The following TNNT1 variants were observed in gnomAD, a reference collection of about 807,000 sequenced individuals.
The protein encoded by TNNT1 is troponin T1, slow skeletal type.
TNNT1 carries 53 observed loss-of-function variants against 50.6 expected under a neutral mutation model. That is an observed-to-expected ratio of 1.05 (90% CI 0.84 to 1.32). TNNT1 has a LOEUF of 1.32. Among genes scored for constraint, TNNT1 ranks in the 40% most tolerant of loss-of-function variants. TNNT1 has a pLI of 0.00. For synonymous variants in TNNT1, 142 were observed against 138.0 expected (o/e 1.03, Z -0.20); for missense variants, 348 against 381.7 (o/e 0.91, Z 0.74).
chr19:55,141,285 G>A lies in TNNT1; in HGVS notation c.210C>T (p.Arg70=). ...GCAGCTCCAGCAGGTCTTTCTCCAT[G>A]CGCTTGCGGTGGATGTCCTGCAGGA... ...RVDFDDIHRK[R]MEKDLLELQT... The change falls in exon 8 of 14, where the codon CGC becomes CGT. Residue 70 remains arginine (R), a synonymous_variant. Coordinates refer to ENST00000588981, the MANE Select transcript of TNNT1 (RefSeq NM_003283.6). 1 of 1,614,144 alleles carries A rather than the reference G, an allele frequency of 6.2e-7. No homozygotes were observed. The highest frequency in any genetic ancestry group is 8.5e-7 in the Non-Finnish European group (1 of 1,179,988).
chr19:55,142,248 G>C (rs1222841153), intron 6 of TNNT1, among the ~76,000 whole-genome samples: 1 of 151,372 alleles, frequency 6.6e-6, no homozygotes, highest in East Asian at 2.0e-4. Flanking sequence ...AGCCTCCCGA[G>C]TAGCTGGGAC....
rs748277855 is a variant in TNNT1 at position 55,134,094 on chromosome 19, A to G, written c.722T>C (p.Met241Thr). 12 of 1,612,636 alleles carry G rather than the reference A, an allele frequency of 7.4e-6. No homozygotes were observed. In the East Asian group the frequency reaches 8.9e-5, roughly 12 times the overall value. ...HQLESEKFDLMAKLKQQKYEI... is the reference protein window; with the variant it reads ...HQLESEKFDLTAKLKQQKYEI... ...ATATTTCTGCTGTTTCAGCTTCGCCATCAGGTCGAACTTCTCAGACTCCAG... is the reference window on the plus strand; with the variant it reads ...ATATTTCTGCTGTTTCAGCTTCGCCGTCAGGTCGAACTTCTCAGACTCCAG... Residue 241 changes from methionine (M) to threonine (T), a missense_variant, in exon 12 of 14, where the codon ATG becomes ACG. Transcript: ENST00000588981.
intron 7 of TNNT1, among the ~76,000 whole-genome samples, 174 bp downstream of exon 7, chr19:55,141,683 C>T (rs2085458594): frequency 6.6e-6 from 1 of 152,010 alleles, no homozygotes; most frequent in Admixed American, 6.5e-5. Flanking sequence ...GGGGTTTCAC[C>T]ATATTAACCA....
rs1166914763 is a variant in TNNT1, at chr19:55,140,936, C to T, written c.334G>A (p.Glu112Lys). 1 of 1,613,786 alleles carries T rather than the reference C, an allele frequency of 6.2e-7. No homozygotes were observed. The highest frequency in any genetic ancestry group is 2.2e-5 in the East Asian group (1 of 44,870). The part of the protein sequence containing the change: ...RIERRRSERA[E>K]QQRFRTEKER... The stretch of plus-strand genomic sequence containing the variant: ...TTCTCAGTTCTGAAGCGCTGTTGCT[C>T]GGCTCTCTCTGACCGGCGCCGCTCC... Residue 112 changes from glutamate (E) to lysine (K), a missense_variant, in exon 9 of 14, where the codon GAG (glutamate) becomes AAG (lysine). By Grantham distance (56) the Glu-to-Lys change is moderately conservative. Transcript: ENST00000588981.
chr19:55,145,343 G>C (rs1272365349), intron 6 of TNNT1: 1 of 641,408 alleles, frequency 1.6e-6, no homozygotes, highest in South Asian at 1.8e-5. Flanking sequence ...AGGGGAAGAA[G>C]AGGAAGTGGA....
At chr19:55,142,720 G>C (rs1736196811) in intron 6 of TNNT1, among the ~76,000 whole-genome samples, 2 of 151,242 alleles carry the variant, frequency 1.3e-5, no homozygotes, top group Admixed American at 1.3e-4. Context: ...GGTAATTTTT[G>C]TATTTTTAGT....
At chr19:55,139,118 G>C (rs903227050) in intron 9 of TNNT1, among the ~76,000 whole-genome samples, 2 of 152,112 alleles carry the variant, frequency 1.3e-5, no homozygotes, top group Admixed American at 1.3e-4. Flanking sequence ...TCCTGCCTCG[G>C]CCTCCCAAGT....
Position 55,141,308 on chromosome 19 carries a change from G to A in TNNT1, c.193-6C>T, listed in dbSNP as rs762393569. ...ATGCGCTTGCGGTGGATGTCCTGCA[G>A]GACACACGGGCAGCCCGTCCTAGGA... On this transcript the variant is annotated splice_polypyrimidine_tract_variant and splice_region_variant and intron_variant, in intron 7 of 13. Transcript: ENST00000588981. 1 of 1,612,582 alleles carries A rather than the reference G, an allele frequency of 6.2e-7. No individual in the cohort carries two copies. Among genetic ancestry groups the A allele is most frequent in the Admixed American group, 1.7e-5 (1 of 60,026 alleles).
chr19:55,140,819 T>TAAC lies in TNNT1; in HGVS notation c.387+61_387+63dup, dbSNP rs1050677873. 48 of 1,196,038 alleles carry TAAC rather than the reference T, an allele frequency of 4.0e-5. No individual in the cohort carries two copies. In the Admixed American group the frequency reaches 6.9e-4, roughly 17 times the overall value. The allele number at this position is 1,196,038 out of a possible 1,614,324, so 74.1% of individuals were successfully genotyped here. A position where few individuals can be genotyped will look rare whatever the true frequency, so the allele number is the denominator to read the frequency against. ...GTAATAATAATAATAATAATAATAA[T>TAAC]AACAAAATGGGCATCCGGCTGAAGA... On this transcript the variant is annotated intron_variant, in intron 9 of 13. Transcript: ENST00000588981.
In TNNT1 at chr19:55,141,354, C is replaced by A. The variant is rs778169023; in HGVS notation, c.193-52G>T. The A allele has an allele frequency of 6.4e-6, 8 of 1,255,158 alleles. No individual in the cohort carries two copies. In the Admixed American group the frequency reaches 1.3e-4, roughly 21 times the overall value. The allele number at this position is 1,255,158 out of a possible 1,614,324, so 77.8% of individuals were successfully genotyped here. On this transcript the variant is annotated intron_variant, in intron 7 of 13. Transcript: ENST00000588981. ...TAGGAGACCCTGGAGGGGGCAGCAG[C>A]CTCCCAGCACCTCCCCCATGCAGGA...
intron 5 of TNNT1, among the ~76,000 whole-genome samples, chr19:55,145,822 C>T (rs2085539468): frequency 6.6e-6 from 1 of 152,002 alleles, no homozygotes; most frequent in African/African-American, 2.4e-5. Flanking sequence ...CCCACCCCCA[C>T]TGTCTGCACA....
chr19:55,147,678 G>GGACGCCT (rs1568851076), intron 1 of TNNT1, among the ~76,000 whole-genome samples: 2 of 100,326 alleles, frequency 2.0e-5, no homozygotes, highest in Non-Finnish European at 3.9e-5. Flanking sequence ...AGGAGGGGCT[G>GGACGCCT]GGGTCTGGAC....
chr19:55,147,683 C>CTGAGGGAGGAGGGGCTGGAGGCT (rs1555860239), intron 1 of TNNT1, among the ~76,000 whole-genome samples: 6 of 90,468 alleles, frequency 6.6e-5, no homozygotes, highest in East Asian at 6.6e-4. Flanking sequence ...GGGCTGGGGT[C>CTGAGGGAGGAGGGGCTGGAGGCT]TGGACTCCTG....
chr19:55,148,871 A>C (rs2085628775), intron 1 of TNNT1, among the ~76,000 whole-genome samples: 1 of 151,890 alleles, frequency 6.6e-6, no homozygotes, highest in Non-Finnish European at 1.5e-5. Flanking sequence ...CTGACTGCTG[A>C]GATTTCCCCC....
At chr19:55,141,130 G>A (rs1599882886) in intron 8 of TNNT1, 56 bp downstream of exon 8, 16 of 1,528,644 alleles carry the variant, frequency 1.0e-5, no homozygotes, top group Non-Finnish European at 1.4e-5. Flanking sequence ...CTCCCAAGAT[G>A]CAAGGGATCC....
intron 6 of TNNT1, among the ~76,000 whole-genome samples, chr19:55,142,929 C>T (rs1258722921): frequency 6.6e-6 from 1 of 151,164 alleles, no homozygotes; most frequent in East Asian, 2.0e-4. Flanking sequence ...TTTGGGAGGC[C>T]AAGGTGGGCG....
At chr19:55,136,768 G>C (rs1027003654) in intron 11 of TNNT1, among the ~76,000 whole-genome samples, 5 of 152,132 alleles carry the variant, frequency 3.3e-5, no homozygotes, top group African/African-American at 9.7e-5. Context: ...TTCCTGGCTT[G>C]AATTTAGGTA....
chr19:55,134,720 G>A (rs1192166162), intron 11 of TNNT1, among the ~76,000 whole-genome samples: 1 of 26,964 alleles, frequency 3.7e-5, no homozygotes, highest in Admixed American at 4.0e-4. Context: ...GAGAAGAGGG[G>A]AGGGGAGAGG....
intron 10 of TNNT1, 93 bp downstream of exon 10, chr19:55,137,868 G>T: frequency 6.7e-7 from 1 of 1,487,596 alleles, no homozygotes; most frequent in Non-Finnish European, 9.3e-7. Context: ...AGGAATCCAG[G>T]CCTCAGCCCC....
Sources: allele counts gnomAD v4.1 joint callset (sites outside exome capture counted in the v4.1 genomes callset), GRCh38; gene constraint gnomAD v4.1.1; transcripts MANE v1.5; gene names NCBI Gene and HGNC (gene_info 2026-07-23, HGNC 2026-07-21).